Variants in ARPP21 observed in about 807,000 individuals in gnomAD.
The protein encoded by ARPP21 is cAMP-regulated phosphoprotein 21.
A neutral mutation model predicts 113.2 loss-of-function variants in ARPP21; 69 were observed. The observed-to-expected ratio is 0.61, with a 90% CI of 0.50 to 0.74. ARPP21 has a LOEUF of 0.74. Ranked by LOEUF, ARPP21 falls within the 30% of genes least tolerant of loss-of-function variation. The pLI is 0.00. For synonymous variants in ARPP21, 368 were observed against 375.5 expected, an observed-to-expected ratio of 0.98 and a Z score of 0.23; for missense variants, 1,070 against 1,037.4, an observed-to-expected ratio of 1.03 and a Z score of -0.43.
At chr3:35,676,635 G>A (rs994403633) in intron 1 of ARPP21, among the ~76,000 whole-genome samples, 1 of 151,804 alleles carries the variant, frequency 6.6e-6, no homozygotes. Flanking sequence ...ACTATTGAAC[G>A]ATTGCATTTT....
intron 19 of ARPP21, among the ~76,000 whole-genome samples, chr3:35,754,944 GA>G (rs1374973728): frequency 1.2e-4 from 19 of 152,006 alleles, no homozygotes; most frequent in African/African-American, 4.3e-4. Context: ...AAAACAGAAA[GA>G]AAAAGGAGAT....
chr3:35,746,308 A>G (rs1401050621), intron 19 of ARPP21, among the ~76,000 whole-genome samples: 1 of 152,192 alleles, frequency 6.6e-6, no homozygotes, highest in Non-Finnish European at 1.5e-5. Context: ...TTGAGAGTGC[A>G]CAGAGGCTCT....
chr3:35,745,623 A>G (rs2094985911), intron 19 of ARPP21, among the ~76,000 whole-genome samples: 1 of 152,238 alleles, frequency 6.6e-6, no homozygotes, highest in Non-Finnish European at 1.5e-5. Flanking sequence ...AAGTTAGATG[A>G]ATATGATAAC....
At chr3:35,748,295 GAAGGAAGA>G (rs1340060395) in intron 19 of ARPP21, among the ~76,000 whole-genome samples, 24 of 122,184 alleles carry the variant, frequency 2.0e-4, no homozygotes, top group African/African-American at 6.3e-4. Flanking sequence ...AGGAAGGAAG[GAAGGAAGA>G]AAGAAAGAAA....
At chr3:35,675,203 T>TTTTTTTTTTTTTTTTTTTTTTTTTGA (rs1559570125) in intron 1 of ARPP21, among the ~76,000 whole-genome samples, 6 of 151,674 alleles carry the variant, frequency 4.0e-5, no homozygotes, top group African/African-American at 1.5e-4. Context: ...CCACCTTTCA[T>TTTTTTTTTTTTTTTTTTTTTTTTTGA]GTGGGTAAAT....
In ARPP21 at chr3:35,718,540, C is replaced by T. The variant is rs535918860; in HGVS notation, c.995+1183C>T. On this transcript the variant is annotated intron_variant, in intron 13 of 20. Transcript: ENST00000684406. ...AGTTTTACATAATCCCAAATCTGTC[C>T]CCAAGCCAGAGCTACCATATACTCA... Among the ~76,000 whole-genome samples, 8 of 151,992 alleles carry T rather than the reference C, an allele frequency of 5.3e-5. 1 individual carries two copies. The South Asian group carries it at 1.7e-3, about 32-fold the overall frequency.
At chr3:35,772,097 A>G (rs1202177995) in intron 19 of ARPP21, among the ~76,000 whole-genome samples, 8 of 152,198 alleles carry the variant, frequency 5.3e-5, no homozygotes, top group Non-Finnish European at 1.0e-4. Flanking sequence ...AAAATACTAA[A>G]TTTGGCTGCA....
intron 18 of ARPP21, among the ~76,000 whole-genome samples, chr3:35,741,790 A>C (rs1444424748): frequency 2.0e-5 from 3 of 152,026 alleles, no homozygotes; most frequent in African/African-American, 7.2e-5. Flanking sequence ...CAAACCTTTC[A>C]TACTGATCTT....
intron 1 of ARPP21, among the ~76,000 whole-genome samples, chr3:35,664,660 G>T (rs948525374): frequency 1.3e-5 from 2 of 152,168 alleles, no homozygotes; most frequent in Admixed American, 6.5e-5. Context: ...TTTGTTGGTT[G>T]TTTGGCTCCG....
chr3:35,794,054 C>T lies in ARPP21; in HGVS notation c.*96C>T, dbSNP rs748038387. 7 of 1,042,022 alleles carry T rather than the reference C, an allele frequency of 6.7e-6. No individual in the cohort carries two copies. In the Admixed American group the frequency reaches 1.1e-4, roughly 16 times the overall value. 64.5% of individuals were successfully genotyped at this position (1,042,022 alleles called of 1,614,324 possible). A position where few individuals can be genotyped will look rare whatever the true frequency, so the allele number is the denominator to read the frequency against. ...AACTGGCTGAGGACTTAAGTATTCA[C>T]TCAACACTCAAATGATTGCTGCTGG... On this transcript the variant is annotated 3_prime_UTR_variant, in exon 21 of 21. Coordinates refer to ENST00000684406, the MANE Select transcript of ARPP21 (RefSeq NM_001385562.1).
intron 5 of ARPP21, chr3:35,684,828 C>T: frequency 1.0e-6 from 1 of 979,910 alleles, no homozygotes; most frequent in Non-Finnish European, 1.2e-6. Flanking sequence ...ATTTTCTTTA[C>T]ATGCCACTCA....
At chr3:35,777,232 C>A (rs909159311) in intron 19 of ARPP21, among the ~76,000 whole-genome samples, 1 of 152,146 alleles carries the variant, frequency 6.6e-6, no homozygotes, top group Non-Finnish European at 1.5e-5. Flanking sequence ...TACTGAGCAC[C>A]ATTTAGTGGA....
intron 11 of ARPP21, among the ~76,000 whole-genome samples, chr3:35,713,488 T>C (rs919167028): frequency 1.3e-5 from 2 of 152,134 alleles, no homozygotes; most frequent in African/African-American, 4.8e-5. Context: ...CTCTAGCTCC[T>C]GGGCTCAAGT....
At chr3:35,694,908 A>G (rs897924722) in intron 9 of ARPP21, among the ~76,000 whole-genome samples, 30 of 147,638 alleles carry the variant, frequency 2.0e-4, no homozygotes, top group Admixed American at 4.1e-4. Flanking sequence ...TGCATTATAT[A>G]TAAATATATA....
chr3:35,656,049 A>G (rs1416951471), intron 1 of ARPP21, among the ~76,000 whole-genome samples: 2 of 152,154 alleles, frequency 1.3e-5, no homozygotes, highest in Non-Finnish European at 2.9e-5. Flanking sequence ...TAAAATTTCA[A>G]AACAAACTAA....
chr3:35,692,562 A>G (rs2082555179), intron 9 of ARPP21, among the ~76,000 whole-genome samples: 3 of 151,718 alleles, frequency 2.0e-5, no homozygotes, highest in Non-Finnish European at 4.4e-5. Flanking sequence ...AATGTGATAC[A>G]GTTTCAACTG....
At chr3:35,684,779 T>A (rs2080054688) in intron 5 of ARPP21, 1 of 985,112 alleles carries the variant, frequency 1.0e-6, no homozygotes, top group Non-Finnish European at 1.2e-6. Flanking sequence ...AAATTCCTAA[T>A]AGATTTTGTC....
At chr3:35,727,115 A>G (rs1410562066) in intron 14 of ARPP21, among the ~76,000 whole-genome samples, 1 of 152,146 alleles carries the variant, frequency 6.6e-6, no homozygotes, top group Non-Finnish European at 1.5e-5. Context: ...ATTCTAAACC[A>G]CTTAGATGGA....
At position 35,726,475 on chromosome 3, in the gene ARPP21, T is replaced by G. The variant is rs975987562; in HGVS notation, c.1226-2828T>G. 9.2e-5 allele frequency among the ~76,000 whole-genome samples: 14 copies of G among 152,240 alleles called. 1 individual carries two copies. The highest frequency in any genetic ancestry group is 9.2e-4 in the Admixed American group (14 of 15,286). On this transcript the variant is annotated intron_variant, in intron 14 of 20. Transcript: ENST00000684406. ...CTTTTGAAGAGGTTTGACTTTATTT[T>G]CATCTTTGCATGTGCAGAGAATTTA... is the stretch of plus-strand genomic sequence containing the variant.
Sources: gnomAD v4.1 joint callset for allele counts (sites outside exome capture counted in the v4.1 genomes callset) on GRCh38, gnomAD v4.1.1 for gene constraint, MANE v1.5 for transcripts, NCBI Gene and HGNC (gene_info 2026-07-23, HGNC 2026-07-21) for gene names.